NDUFS2: variants seen among roughly 807,000 people sequenced by gnomAD.
The protein encoded by NDUFS2 is NADH dehydrogenase [ubiquinone] iron-sulfur protein 2, mitochondrial.
In NDUFS2, 38 loss-of-function variants were observed where a neutral mutation model predicts 69.6. The ratio of observed to expected loss-of-function variants is 0.55; its 90% CI spans 0.42 to 0.72. The LOEUF (loss-of-function observed/expected upper bound fraction) is 0.72. NDUFS2 is among the 30% of genes least tolerant of loss of function. The pLI, the probability that NDUFS2 is intolerant of heterozygous loss-of-function variation, is 0.00. For missense variants in NDUFS2, 468 were observed against 595.0 expected, an observed-to-expected ratio of 0.79 and a Z score of 2.22; for synonymous variants, 194 against 211.2, an observed-to-expected ratio of 0.92 and a Z score of 0.70.
intron 1 of NDUFS2, 33 bp from the exon 2 acceptor site, chr1:161,203,404 C>T (rs747570630): frequency 6.4e-7 from 1 of 1,562,762 alleles, no homozygotes; most frequent in South Asian, 1.1e-5. Flanking sequence ...ACTGTTCAGG[C>T]CCTTTGTCTA....
Position 161,203,383 on chromosome 1 carries a change from A to G in NDUFS2, c.96-54A>G. On this transcript the variant is annotated intron_variant, in intron 1 of 13. Coordinates refer to ENST00000676972, the MANE Select transcript of NDUFS2 (RefSeq NM_001377299.1). ...TCCCCTTGAGAGTGAATGGGAACAC[A>G]GGAACCAAACACTGTTCAGGCCCTT... is the stretch of plus-strand genomic sequence containing the variant. 4 of 1,477,696 alleles carry G rather than the reference A, an allele frequency of 2.7e-6. No homozygotes were observed. The South Asian group carries it at 3.4e-5, about 13-fold the overall frequency. 91.5% of individuals were successfully genotyped at this position (1,477,696 alleles called of 1,614,324 possible).
At chr1:161,198,429 G>A (rs1350028451), upstream of NDUFS2, 1 of 1,594,412 alleles carries the variant, frequency 6.3e-7, no homozygotes, top group South Asian at 1.1e-5. This position sits in a 1 kb window ranked among gnomAD's most constrained non-coding sequence, Gnocchi z 4.7. Context: ...CTGCCGTTGA[G>A]CTTCTCTGGA....
intron 2 of NDUFS2, among the ~76,000 whole-genome samples, chr1:161,205,422 G>T (rs1408351570): frequency 1.3e-5 from 2 of 152,142 alleles, no homozygotes; most frequent in Non-Finnish European, 2.9e-5. Flanking sequence ...AGCCTGGAAT[G>T]CTTCTTCTCC....
chr1:161,198,036 C>T (rs745469545), upstream of NDUFS2: 15 of 1,592,250 alleles, frequency 9.4e-6, no homozygotes, highest in South Asian at 7.9e-5. This position sits in a 1 kb window ranked among gnomAD's most constrained non-coding sequence, Gnocchi z 4.7. Context: ...CCAAGAGGAG[C>T]CTTGACGTTG....
chr1:161,203,754 A>G, intron 2 of NDUFS2: 1 of 588,518 alleles, frequency 1.7e-6, no homozygotes, highest in Non-Finnish European at 3.0e-6. Flanking sequence ...GTGCCACCAC[A>G]ACTGGCTAAT....
At chr1:161,206,196 G>C (rs1291775852) in intron 2 of NDUFS2, among the ~76,000 whole-genome samples, 2 of 152,114 alleles carry the variant, frequency 1.3e-5, no homozygotes, top group African/African-American at 4.8e-5. Flanking sequence ...AGGAGACATA[G>C]AGTGAGATTC....
chr1:161,211,179 G>C (rs1159919910), intron 9 of NDUFS2, among the ~76,000 whole-genome samples: 2 of 152,202 alleles, frequency 1.3e-5, no homozygotes, highest in Non-Finnish European at 2.9e-5. Context: ...CCGGCCTATG[G>C]CATTCTTTTT....
upstream of NDUFS2, chr1:161,198,085 T>A: frequency 1.2e-6 from 2 of 1,613,078 alleles, no homozygotes; most frequent in Non-Finnish European, 1.7e-6. This position sits in a 1 kb window ranked among gnomAD's most constrained non-coding sequence, Gnocchi z 4.7. Context: ...TCTTCCGGCG[T>A]AGGATGTGAG....
upstream of NDUFS2, chr1:161,199,084 C>G (rs1665004603): frequency 6.4e-6 from 1 of 156,898 alleles, no homozygotes; most frequent in South Asian, 2.0e-4. Flanking sequence ...CTCTTTTAAG[C>G]ATGGTGAGCC....
In NDUFS2 at chr1:161,203,860, C is replaced by G. The variant is rs922821388; in HGVS notation, c.202+317C>G. 2.9e-5 allele frequency: 11 copies of G among 385,576 alleles called. 1 individual carries two copies. Among genetic ancestry groups the G allele is most frequent in the Admixed American group, 1.1e-4 (3 of 27,310 alleles). The allele number at this position is 385,576 out of a possible 1,614,324, so 23.9% of individuals were successfully genotyped here. A position where few individuals can be genotyped will look rare whatever the true frequency, so the allele number is the denominator to read the frequency against. On this transcript the variant is annotated intron_variant, in intron 2 of 13. Coordinates refer to ENST00000676972, the MANE Select transcript of NDUFS2 (RefSeq NM_001377299.1). ...CAGGTAATCCTCCCAACTCAGCCTCCGAAAGTGCTGAGATACAGGCTTGAG... is the reference window on the plus strand; with the variant it reads ...CAGGTAATCCTCCCAACTCAGCCTCGGAAAGTGCTGAGATACAGGCTTGAG...
Position 161,212,928 on chromosome 1 carries a change from C to T in NDUFS2, c.1116+448C>T, listed in dbSNP as rs141748227. On this transcript the variant is annotated intron_variant, in intron 10 of 13. Transcript: ENST00000676972. ...TTTTATTTTTTTATTTTTTTTGAGACGGTGTCACGCTCTTTCACCAGGCTG... is the reference window on the plus strand; with the variant it reads ...TTTTATTTTTTTATTTTTTTTGAGATGGTGTCACGCTCTTTCACCAGGCTG... 3.2e-3 allele frequency among the ~76,000 whole-genome samples: 479 copies of T among 151,520 alleles called. 4 individuals carry two copies. The highest frequency in any genetic ancestry group is 0.021 in the South Asian group (100 of 4,812).
chr1:161,208,710 A>G (rs568008333), intron 3 of NDUFS2, among the ~76,000 whole-genome samples: 9 of 152,376 alleles, frequency 5.9e-5, no homozygotes, highest in African/African-American at 2.2e-4. Flanking sequence ...CCATTGTCAG[A>G]AATTAATTTA....
intron 13 of NDUFS2, 53 bp downstream of exon 13, chr1:161,213,974 C>T (rs1019196260): frequency 2.0e-5 from 33 of 1,614,000 alleles, no homozygotes; most frequent in Non-Finnish European, 2.8e-5. Context: ...GTTCGGGACG[C>T]CCACTGGGGA....
At chr1:161,205,606 T>C (rs1485725887) in intron 2 of NDUFS2, among the ~76,000 whole-genome samples, 3 of 152,070 alleles carry the variant, frequency 2.0e-5, no homozygotes, top group Non-Finnish European at 4.4e-5. Context: ...CAAATTAAAA[T>C]GTAAGCTTCA....
At chr1:161,200,431 A>G (rs146586464), upstream of NDUFS2, among the ~76,000 whole-genome samples, 2 of 152,202 alleles carry the variant, frequency 1.3e-5, no homozygotes, top group Non-Finnish European at 2.9e-5. Context: ...AATCCCCAGG[A>G]AGGAGAGTGC....
chr1:161,197,932 A>G, upstream of NDUFS2: 1 of 1,510,838 alleles, frequency 6.6e-7, no homozygotes, highest in Non-Finnish European at 8.9e-7. Context: ...GAGGGTGAAT[A>G]GGGGTCAGTA....
At chr1:161,207,313 A>G (rs1665521335) in intron 3 of NDUFS2, among the ~76,000 whole-genome samples, 1 of 152,204 alleles carries the variant, frequency 6.6e-6, no homozygotes, top group South Asian at 2.1e-4. Context: ...CCCCCGTCAC[A>G]GTGACATCAG....
chr1:161,205,777 A>AG (rs1330088457), intron 2 of NDUFS2, among the ~76,000 whole-genome samples: 9 of 152,108 alleles, frequency 5.9e-5, no homozygotes, highest in African/African-American at 2.2e-4. Flanking sequence ...AAAAAAAAAA[A>AG]AAAAAGGTAA....
At chr1:161,200,885 G>A (rs2102024584), upstream of NDUFS2, among the ~76,000 whole-genome samples, 2 of 152,266 alleles carry the variant, frequency 1.3e-5, no homozygotes, top group Admixed American at 1.3e-4. Flanking sequence ...GTTGGCAGCA[G>A]GGAGAAGGCA....
Sources: gnomAD v4.1 joint callset for allele counts (sites outside exome capture counted in the v4.1 genomes callset) on GRCh38, gnomAD v4.1.1 for gene constraint, Gnocchi (gnomAD v3.1) non-coding constraint, MANE v1.5 for transcripts, NCBI Gene and HGNC (gene_info 2026-07-23, HGNC 2026-07-21) for gene names.